ACSM6: variants seen among roughly 807,000 people sequenced by gnomAD.
The protein encoded by ACSM6 is acyl-CoA synthetase medium chain family member 6.
In ACSM6, 35 loss-of-function variants were observed where a neutral mutation model predicts 51.1. That is an observed-to-expected ratio of 0.69 (90% CI 0.52 to 0.91). The LOEUF (loss-of-function observed/expected upper bound fraction) is 0.91. Ranked by LOEUF, ACSM6 falls within the 40% of genes least tolerant of loss-of-function variation. The pLI, the probability that ACSM6 is intolerant of heterozygous loss-of-function variation, is 0.00. For synonymous variants in ACSM6, 172 were observed against 207.3 expected (o/e 0.83, Z 1.46); for missense variants, 509 against 584.1 (o/e 0.87, Z 1.32).
chr10:95,225,255 T>C, intron 9 of ACSM6, 35 bp from the exon 10 acceptor site: 1 of 1,425,018 alleles, frequency 7.0e-7, no homozygotes, highest in South Asian at 1.2e-5. Context: ...AAGTGGTTTG[T>C]AAGGAAAATT....
intron 7 of ACSM6, 93 bp from the exon 8 acceptor site, chr10:95,214,759 T>G (rs2034927549): frequency 7.2e-7 from 1 of 1,379,374 alleles, no homozygotes; most frequent in Non-Finnish European, 9.9e-7. Flanking sequence ...TGTATTGGAA[T>G]AACTGCATCA....
chr10:95,209,899 G>T (rs545257298), intron 4 of ACSM6, among the ~76,000 whole-genome samples: 1 of 151,778 alleles, frequency 6.6e-6, no homozygotes, highest in Admixed American at 6.6e-5. Context: ...AGTTTTATTG[G>T]AACCAGGGAC....
At chr10:95,207,531 T>C (rs1471076584) in intron 4 of ACSM6, 116 bp downstream of exon 4, 2 of 1,067,954 alleles carry the variant, frequency 1.9e-6, no homozygotes, top group East Asian at 2.4e-5. Flanking sequence ...TGGCAATTTC[T>C]ATGCAAGATT....
At chr10:95,211,704 C>T (rs1018009432) in intron 5 of ACSM6, among the ~76,000 whole-genome samples, 174 bp from the exon 6 acceptor site, 2 of 152,200 alleles carry the variant, frequency 1.3e-5, no homozygotes, top group Non-Finnish European at 2.9e-5. Context: ...AAGACTGATA[C>T]TGAAAAAATT....
At chr10:95,227,695 C>G (rs979955492) in intron 10 of ACSM6, among the ~76,000 whole-genome samples, 3 of 152,216 alleles carry the variant, frequency 2.0e-5, no homozygotes, top group Non-Finnish European at 4.4e-5. Context: ...TTTATTAGAA[C>G]TCTAACAAGC....
chr10:95,228,133 T>A (rs2035058845), intron 10 of ACSM6: 1 of 152,024 alleles, frequency 6.6e-6, no homozygotes, highest in Non-Finnish European at 1.5e-5. Context: ...TGGGCCAATC[T>A]CATGCAAAGG....
chr10:95,212,331 T>C (rs145708289), intron 6 of ACSM6, among the ~76,000 whole-genome samples: 104 of 152,334 alleles, frequency 6.8e-4, no homozygotes, highest in African/African-American at 2.2e-3. Flanking sequence ...GATTACTTAC[T>C]GGCACTTCAT....
At chr10:95,223,852 A>G (rs610837) in intron 9 of ACSM6, among the ~76,000 whole-genome samples, 80,003 of 151,936 alleles carry the variant, frequency 0.53, 21,981 homozygotes, top group Middle Eastern at 0.66. Flanking sequence ...AAAAGAAGAA[A>G]TAAAACTATC....
At chr10:95,194,782 T>A in intron 2 of ACSM6, 105 bp downstream of exon 2, 1 of 1,054,268 alleles carries the variant, frequency 9.5e-7, no homozygotes, top group Non-Finnish European at 1.3e-6. Context: ...CACTAGAAAG[T>A]GCAAATTCAG....
chr10:95,194,544 C>A (rs866565580), exon 2 of ACSM6: 5 of 1,551,692 alleles, frequency 3.2e-6, no homozygotes, highest in Non-Finnish European at 3.5e-6. Context: ...GGATTTGAAG[C>A]CTGCTGCTAT....
At chr10:95,207,514 A>G in intron 4 of ACSM6, 99 bp downstream of exon 4, 1 of 1,233,430 alleles carries the variant, frequency 8.1e-7, no homozygotes, top group Non-Finnish European at 1.2e-6. Context: ...CAGAATGAAA[A>G]GCTGAATGGC....
intron 3 of ACSM6, among the ~76,000 whole-genome samples, chr10:95,202,681 C>T (rs600929): frequency 0.52 from 78,288 of 151,602 alleles, 21,118 homozygotes; most frequent in Middle Eastern, 0.66. Context: ...TCCAACACTT[C>T]GGGAGGCCAA....
chr10:95,222,863 A>G (rs925746838), intron 9 of ACSM6, among the ~76,000 whole-genome samples: 1 of 142,652 alleles, frequency 7.0e-6, no homozygotes, highest in African/African-American at 3.1e-5. Flanking sequence ...AATAATAATA[A>G]TAATAAGAGG....
chr10:95,211,260 T>A (rs559426326), intron 5 of ACSM6, among the ~76,000 whole-genome samples: 1 of 152,328 alleles, frequency 6.6e-6, no homozygotes, highest in East Asian at 1.9e-4. Context: ...CTCATGGGTA[T>A]CTCTCGGCAA....
chr10:95,219,014 T>C (rs2133389197), intron 8 of ACSM6, among the ~76,000 whole-genome samples: 1 of 152,340 alleles, frequency 6.6e-6, no homozygotes, highest in South Asian at 2.1e-4. Context: ...GAACAGTGGC[T>C]CATGCCTATA....
intron 2 of ACSM6, 31 bp downstream of exon 2, chr10:95,194,708 T>C: frequency 6.5e-7 from 1 of 1,536,010 alleles, no homozygotes; most frequent in Non-Finnish European, 8.8e-7. Context: ...CCTTGGAAAC[T>C]TTGGCCAAGG....
At chr10:95,200,846 GA>G (rs1564586437) in intron 2 of ACSM6, among the ~76,000 whole-genome samples, 1 of 151,264 alleles carries the variant, frequency 6.6e-6, no homozygotes, top group Admixed American at 6.6e-5. Flanking sequence ...CAGAAAGGAG[GA>G]AAAAAGGAAT....
chr10:95,199,029 G>C (rs1311101151), intron 2 of ACSM6, among the ~76,000 whole-genome samples: 1 of 151,690 alleles, frequency 6.6e-6, no homozygotes, highest in Non-Finnish European at 1.5e-5. Flanking sequence ...AACCAAAAAA[G>C]CCTGCATTGC....
At chr10:95,209,194 T>C (rs1193275830) in intron 4 of ACSM6, among the ~76,000 whole-genome samples, 2 of 152,096 alleles carry the variant, frequency 1.3e-5, no homozygotes, top group Non-Finnish European at 2.9e-5. Context: ...AGCTAGCCTT[T>C]GGAAGCTCTG....
Sources: allele counts gnomAD v4.1 joint callset (sites outside exome capture counted in the v4.1 genomes callset), GRCh38; gene constraint gnomAD v4.1.1; transcripts MANE v1.5; gene names NCBI Gene and HGNC (gene_info 2026-07-23, HGNC 2026-07-21).